Variants in ZC3H14 observed in about 807,000 individuals in gnomAD.
ZC3H14 encodes the protein zinc finger CCCH domain-containing protein 14.
A neutral mutation model predicts 92.4 loss-of-function variants in ZC3H14; 31 were observed. The ratio of observed to expected loss-of-function variants is 0.34; its 90% CI spans 0.25 to 0.45. The LOEUF is 0.45. Among genes scored for constraint, ZC3H14 ranks in the 20% least tolerant of loss-of-function variants. The pLI, the probability that ZC3H14 is intolerant of heterozygous loss-of-function variation, is 1.00. For missense variants in ZC3H14, 781 were observed against 897.3 expected, an observed-to-expected ratio of 0.87 and a Z score of 1.66; for synonymous variants, 321 against 300.9, an observed-to-expected ratio of 1.07 and a Z score of -0.69.
At chr14:88,578,467 T>A (rs895037221) in intron 9 of ZC3H14, among the ~76,000 whole-genome samples, 1 of 152,142 alleles carries the variant, frequency 6.6e-6, no homozygotes, top group Non-Finnish European at 1.5e-5. Context: ...TTTTTGAAAG[T>A]CTTTTTATTG....
chr14:88,578,216 A>G, intron 9 of ZC3H14, 76 bp downstream of exon 9: 4 of 1,540,684 alleles, frequency 2.6e-6, no homozygotes, highest in African/African-American at 2.7e-5. Context: ...ATGGATTTTT[A>G]TGAAATATTA....
Position 88,622,802 on chromosome 14 carries a change from A to AAT in ZC3H14, c.*11052_*11053dup. ...TAAACAAATACCAAGTTATAAGCAG[A>AAT]ATCTTTTTTTTTTAAAAAGGCCCTG... is the stretch of plus-strand genomic sequence containing the variant. On this transcript the variant is annotated 3_prime_UTR_variant, in exon 17 of 17. Coordinates refer to ENST00000251038, the MANE Select transcript of ZC3H14 (RefSeq NM_024824.5). The AAT allele has an allele frequency of 1.2e-6, 1 of 847,694 alleles. No individual in the cohort carries two copies. The highest frequency in any genetic ancestry group is 1.6e-6 in the Non-Finnish European group (1 of 635,874). The allele number at this position is 847,694 out of a possible 1,614,324, so 52.5% of individuals were successfully genotyped here.
chr14:88,576,015 C>G lies in ZC3H14; in HGVS notation c.1123+75C>G, dbSNP rs546564738. The G allele has an allele frequency of 3.8e-5, 49 of 1,292,930 alleles. 1 individual carries two copies. Among genetic ancestry groups the G allele is most frequent in the Admixed American group, 7.2e-5 (4 of 55,564 alleles). The allele number at this position is 1,292,930 out of a possible 1,614,324, so 80.1% of individuals were successfully genotyped here. A position where few individuals can be genotyped will look rare whatever the true frequency, so the allele number is the denominator to read the frequency against. ...TTGAGTAAGGTGAAAATGATTGCTC[C>G]TTAAATTGTAAAATAAAGGTGCCTG... is the stretch of plus-strand genomic sequence containing the variant. On this transcript the variant is annotated intron_variant, in intron 8 of 16. Coordinates refer to ENST00000251038, the MANE Select transcript of ZC3H14 (RefSeq NM_024824.5).
intron 2 of ZC3H14, 23 bp from the exon 3 acceptor site, chr14:88,568,016 G>A: frequency 6.3e-7 from 1 of 1,598,846 alleles, no homozygotes; most frequent in South Asian, 1.1e-5. Context: ...ACAAAGTTTT[G>A]ATCTACCTTT....
At position 88,621,204 on chromosome 14, in the gene ZC3H14, G is replaced by A; in HGVS notation, c.*9453G>A. 6.2e-7 allele frequency: 1 copy of A among 1,613,872 alleles called. No individual in the cohort carries two copies. Among genetic ancestry groups the A allele is most frequent in the Non-Finnish European group, 8.5e-7 (1 of 1,179,858 alleles). Reference sequence around the variant, plus strand: ...AGGATGTGTTGCTAGTCCCCAGATTGGCCCATCCACATGACCGTTAACTAA... The same window carrying A: ...AGGATGTGTTGCTAGTCCCCAGATTAGCCCATCCACATGACCGTTAACTAA... On this transcript the variant is annotated 3_prime_UTR_variant, in exon 17 of 17. Transcript: ENST00000251038.
intron 2 of ZC3H14, chr14:88,567,787 C>A: frequency 2.0e-6 from 1 of 503,688 alleles, no homozygotes; most frequent in Non-Finnish European, 3.7e-6. Context: ...AATGCATGCT[C>A]AAGTTTGACC....
chr14:88,603,870 AAATAG>A (rs2084962487), intron 12 of ZC3H14, among the ~76,000 whole-genome samples: 2 of 152,208 alleles, frequency 1.3e-5, no homozygotes, highest in African/African-American at 2.4e-5. Context: ...CGATCATTAA[AAATAG>A]AATAGACTTC....
chr14:88,585,896 C>T (rs535462877), intron 9 of ZC3H14, among the ~76,000 whole-genome samples: 2 of 152,088 alleles, frequency 1.3e-5, no homozygotes, highest in East Asian at 1.9e-4. Context: ...GGGCCGGGTG[C>T]GGTGGCTCAT....
In ZC3H14 at chr14:88,617,898, G is replaced by A. The variant is rs1261931131; in HGVS notation, c.*6147G>A. The A allele has an allele frequency of 5.7e-6, 1 of 174,990 alleles. No individual in the cohort carries two copies. Among genetic ancestry groups the A allele is most frequent in the Non-Finnish European group, 1.2e-5 (1 of 82,742 alleles). The allele number at this position is 174,990 out of a possible 1,614,324, so 10.8% of individuals were successfully genotyped here. A position where few individuals can be genotyped will look rare whatever the true frequency, so the allele number is the denominator to read the frequency against. On this transcript the variant is annotated 3_prime_UTR_variant, in exon 17 of 17. Coordinates refer to ENST00000251038, the MANE Select transcript of ZC3H14 (RefSeq NM_024824.5). Reference sequence around the variant, plus strand: ...ATAGATTCAAGATAGCATTCCTTTAGATAGAGAATTAATAACAGTTGCTTA... The same window carrying A: ...ATAGATTCAAGATAGCATTCCTTTAAATAGAGAATTAATAACAGTTGCTTA...
rs2090045841 is a variant in ZC3H14, at chr14:88,627,192, G to A, written c.*15441G>A. On this transcript the variant is annotated 3_prime_UTR_variant, in exon 17 of 17. Coordinates refer to ENST00000251038, the MANE Select transcript of ZC3H14 (RefSeq NM_024824.5). ...CCTGCTCTACTACCTAGCAATACAT[G>A]ATTTACAATTATTTGTGTATTGAGT... is the stretch of plus-strand genomic sequence containing the variant. 2 of 700,478 alleles carry A rather than the reference G, an allele frequency of 2.9e-6. No individual in the cohort carries two copies. The highest frequency in any genetic ancestry group is 3.6e-5 in the African/African-American group (2 of 55,914). The allele number at this position is 700,478 out of a possible 1,614,324, so 43.4% of individuals were successfully genotyped here. A position where few individuals can be genotyped will look rare whatever the true frequency, so the allele number is the denominator to read the frequency against.
intron 10 of ZC3H14, among the ~76,000 whole-genome samples, chr14:88,599,825 C>G (rs191166257): frequency 4.4e-4 from 67 of 152,238 alleles, no homozygotes; most frequent in African/African-American, 1.2e-3. Context: ...GTGAAGCAGC[C>G]CCTGGGCCAC....
chr14:88,601,126 A>G (rs1419213731), intron 10 of ZC3H14, among the ~76,000 whole-genome samples: 1 of 151,994 alleles, frequency 6.6e-6, no homozygotes, highest in East Asian at 1.9e-4. Context: ...GCTATTCTGA[A>G]ATTGTATATG....
intron 2 of ZC3H14, 36 bp from the exon 3 acceptor site, chr14:88,568,003 G>A: frequency 6.4e-7 from 1 of 1,574,502 alleles, no homozygotes; most frequent in Non-Finnish European, 8.7e-7. Flanking sequence ...AAGTTTTGAG[G>A]AAACAAAGTT....
Position 88,626,989 on chromosome 14 carries a change from C to G in ZC3H14, c.*15238C>G. ...GACAAACTGGGTATCTGAATCTGGT[C>G]GGAATTCTGCCACAAAAATACGTTG... On this transcript the variant is annotated 3_prime_UTR_variant, in exon 17 of 17. Coordinates refer to ENST00000251038, the MANE Select transcript of ZC3H14 (RefSeq NM_024824.5). 1 of 1,613,830 alleles carries G rather than the reference C, an allele frequency of 6.2e-7. No individual in the cohort carries two copies. The highest frequency in any genetic ancestry group is 8.5e-7 in the Non-Finnish European group (1 of 1,179,844).
chr14:88,618,274 T>C lies in ZC3H14; in HGVS notation c.*6523T>C. On this transcript the variant is annotated 3_prime_UTR_variant, in exon 17 of 17. Transcript: ENST00000251038. ...ATTCTGTCAATAGCGGCATGATCCA[T>C]AAGATGTTTTCCTGAAGGCACTTCA... 4 of 1,613,818 alleles carry C rather than the reference T, an allele frequency of 2.5e-6. No individual in the cohort carries two copies. Among genetic ancestry groups the C allele is most frequent in the Non-Finnish European group, 3.4e-6 (4 of 1,179,846 alleles).
chr14:88,594,799 T>A (rs2083582180), intron 9 of ZC3H14: 2 of 1,613,952 alleles, frequency 1.2e-6, no homozygotes, highest in Admixed American at 3.3e-5. Context: ...GGACTTAGGT[T>A]CCATAACAAG....
intron 12 of ZC3H14, 96 bp downstream of exon 12, chr14:88,603,156 C>T (rs1263951300): frequency 2.4e-5 from 29 of 1,209,042 alleles, no homozygotes; most frequent in Non-Finnish European, 3.4e-5. Context: ...AAAGGCCTTG[C>T]TTTTATTTAT....
At position 88,611,753 on chromosome 14, in the gene ZC3H14, A is replaced by G; in HGVS notation, c.*2A>G. On this transcript the variant is annotated 3_prime_UTR_variant, in exon 17 of 17. Coordinates refer to ENST00000251038, the MANE Select transcript of ZC3H14 (RefSeq NM_024824.5). ...TGGTTCTGTTCATTCAGCGAATAGC[A>G]CCCAGTCCTGCCTGGCAGAAGATCA... The G allele has an allele frequency of 6.2e-7, 1 of 1,614,030 alleles. No individual in the cohort carries two copies. The highest frequency in any genetic ancestry group is 8.5e-7 in the Non-Finnish European group (1 of 1,179,936).
intron 9 of ZC3H14, among the ~76,000 whole-genome samples, chr14:88,581,689 A>G (rs553700615): frequency 3.2e-4 from 49 of 152,346 alleles, no homozygotes; most frequent in Non-Finnish European, 4.4e-4. Context: ...GAAGCTGTCA[A>G]TGAATGGTAG....
Sources: allele counts gnomAD v4.1 joint callset (sites outside exome capture counted in the v4.1 genomes callset), GRCh38; gene constraint gnomAD v4.1.1; transcripts MANE v1.5; gene names NCBI Gene and HGNC (gene_info 2026-07-23, HGNC 2026-07-21).